The following DCTN1 variants were observed in gnomAD, a reference collection of about 807,000 sequenced individuals.
The protein encoded by DCTN1 is dynactin subunit 1, also known as 150 kDa dynein-associated polypeptide.
A neutral mutation model predicts 161.2 loss-of-function variants in DCTN1; 61 were observed. The observed-to-expected ratio is 0.38, with a 90% confidence interval of 0.31 to 0.47. The LOEUF is 0.47. Among genes scored for constraint, DCTN1 ranks in the 20% least tolerant of loss-of-function variants. The pLI is 0.99. For synonymous variants in DCTN1, 653 were observed against 632.4 expected, an observed-to-expected ratio of 1.03 and a Z score of -0.49; for missense variants, 1,404 against 1,623.7, an observed-to-expected ratio of 0.86 and a Z score of 2.33.
chr2:74,376,194 G>T (rs981338349), intron 5 of DCTN1, among the ~76,000 whole-genome samples: 2 of 151,722 alleles, frequency 1.3e-5, no homozygotes, highest in African/African-American at 2.4e-5. Flanking sequence ...AAGGAGACAG[G>T]GACAGACTGA....
rs756952260 is a variant in DCTN1 at position 74,367,797 on chromosome 2, G to A, written c.2083C>T (p.His695Tyr). Residue 695 changes from histidine (H) to tyrosine (Y), a missense_variant, in exon 18 of 32, where the codon CAT (histidine) becomes TAT (tyrosine). By Grantham distance (83) the His-to-Tyr change is moderately conservative. This residue lies in a region of DCTN1 where 475 missense variants were observed against 489.8 expected (regional missense o/e 0.97). Coordinates refer to ENST00000628224, the MANE Select transcript of DCTN1 (RefSeq NM_004082.5). ...ATGAGGAAATCCAAGGAGCGCTCAT[G>A]GGCACTCATCTCAGGGTACAGGCTG... ...VGSLYPEMSA[H>Y]ERSLDFLIEL... 72 of 1,614,026 alleles carry A rather than the reference G, an allele frequency of 4.5e-5. No individual in the cohort carries two copies. The highest frequency in any genetic ancestry group is 5.8e-5 in the Non-Finnish European group (69 of 1,180,040).
At chr2:74,374,209 G>A (rs753256202) in intron 6 of DCTN1, 114 bp downstream of exon 6, 35 of 1,172,718 alleles carry the variant, frequency 3.0e-5, no homozygotes, top group Non-Finnish European at 4.1e-5. Flanking sequence ...GTCCTCACCC[G>A]CCTCCCCGAC....
intron 1 of DCTN1, among the ~76,000 whole-genome samples, chr2:74,388,066 T>C (rs1433759894): frequency 1.3e-5 from 2 of 152,088 alleles, no homozygotes; most frequent in Admixed American, 6.5e-5. Context: ...TGCATGCCTA[T>C]AGTACCAGTT....
chr2:74,380,558 G>T, upstream of DCTN1: 1 of 471,976 alleles, frequency 2.1e-6, no homozygotes, highest in Non-Finnish European at 4.4e-6. Context: ...AGCATCAAGT[G>T]ACACTTCAAA....
upstream of DCTN1, among the ~76,000 whole-genome samples, chr2:74,383,121 T>A (rs976696189): frequency 2.6e-5 from 4 of 151,036 alleles, no homozygotes; most frequent in African/African-American, 9.8e-5. Context: ...AAATAAAAAA[T>A]ATGTGGAAAG....
At position 74,362,700 on chromosome 2, in the gene DCTN1, C is replaced by T. The variant is rs1485769288; in HGVS notation, c.3559G>A (p.Glu1187Lys). ...AAKSPSAQLM[E>K]QVAQLKSLSD... Reference sequence around the variant, plus strand: ...AGGGACTTAAGCTGAGCCACTTGCTCCATAAGTTGGGCCGACGGGCTCTTG... The same window carrying T: ...AGGGACTTAAGCTGAGCCACTTGCTTCATAAGTTGGGCCGACGGGCTCTTG... The change falls in exon 30 of 32, where the codon GAG becomes AAG. Residue 1187 changes from glutamate to lysine, a missense_variant. Transcript: ENST00000628224. The T allele has an allele frequency of 1.2e-6, 2 of 1,614,046 alleles. No individual in the cohort carries two copies. Among genetic ancestry groups the T allele is most frequent in the Admixed American group, 3.3e-5 (2 of 60,020 alleles).
chr2:74,390,706 G>C (rs1283759754), intron 1 of DCTN1: 1 of 424,608 alleles, frequency 2.4e-6, no homozygotes, highest in Non-Finnish European at 4.9e-6. Context: ...CCATGGGCCA[G>C]CAGCATTAGC....
intron 6 of DCTN1, 137 bp from the exon 7 acceptor site, chr2:74,373,085 C>CA (rs1487756672): frequency 2.6e-6 from 2 of 763,502 alleles, no homozygotes; most frequent in Non-Finnish European, 4.6e-6. Context: ...CCCTCCCCCC[C>CA]ATCCCATCCC....
chr2:74,376,604 G>T, intron 5 of DCTN1, 138 bp downstream of exon 5: 1 of 823,634 alleles, frequency 1.2e-6, no homozygotes, highest in Non-Finnish European at 2.0e-6. Flanking sequence ...AACTCTGAAA[G>T]CCAAGGCCAC....
chr2:74,374,549 A>G, intron 5 of DCTN1: 2 of 1,372,548 alleles, frequency 1.5e-6, no homozygotes, highest in Non-Finnish European at 9.6e-7. Flanking sequence ...CCAGCCTGCA[A>G]ACGGCCGCCG....
intron 16 of DCTN1, 139 bp downstream of exon 16, chr2:74,368,589 G>T (rs34598987): frequency 6.0e-4 from 653 of 1,091,148 alleles, no homozygotes; most frequent in Non-Finnish European, 6.8e-4. Flanking sequence ...TATATTAATC[G>T]GTGACTTTGC....
At chr2:74,367,885 C>G (rs890148198) in intron 17 of DCTN1, 21 bp from the exon 18 acceptor site, 2 of 1,614,210 alleles carry the variant, frequency 1.2e-6, no homozygotes, top group African/African-American at 2.7e-5. Flanking sequence ...GAGAAGGGCA[C>G]TGTGAGGCTA....
At position 74,369,598 on chromosome 2, in the gene DCTN1, T is replaced by C. The variant is rs1674681398; in HGVS notation, c.1393-107A>G. ...TTGGGAGGTCAAAGCAGGCGGATCATGAGGTCGAGATCGAGATCATGCTGG... is the reference window on the plus strand; with the variant it reads ...TTGGGAGGTCAAAGCAGGCGGATCACGAGGTCGAGATCGAGATCATGCTGG... On this transcript the variant is annotated intron_variant, in intron 13 of 31. Coordinates refer to ENST00000628224, the MANE Select transcript of DCTN1 (RefSeq NM_004082.5). The surrounding 1 kb of genome is among the most constrained non-coding windows in gnomAD (Gnocchi z 4.9). 11 of 1,148,700 alleles carry C rather than the reference T, an allele frequency of 9.6e-6. No individual in the cohort carries two copies. The highest frequency in any genetic ancestry group is 1.7e-5 in the Admixed American group (1 of 59,140). The allele number at this position is 1,148,700 out of a possible 1,614,324, so 71.2% of individuals were successfully genotyped here.
At chr2:74,372,853 T>C in intron 7 of DCTN1, 75 bp downstream of exon 7, 1 of 1,424,546 alleles carries the variant, frequency 7.0e-7, no homozygotes, top group Non-Finnish European at 9.9e-7. Flanking sequence ...CTCATACACG[T>C]GCCCTCATAC....
intron 25 of DCTN1, 69 bp downstream of exon 25, chr2:74,365,446 G>T: frequency 6.2e-7 from 1 of 1,610,608 alleles, no homozygotes; most frequent in East Asian, 2.2e-5. Flanking sequence ...TAGGGGTATG[G>T]GTTAGGAGGC....
rs1214021463 is a variant in DCTN1 at position 74,380,081 on chromosome 2, CAG to C, written c.-46_-45del. The stretch of plus-strand genomic sequence containing the variant: ...ACCCCCTCCCCCAGCTGGCCAAAGA[CAG>C]AGAGAAAAGGTAGAAACCTAGGCAG... On this transcript the variant is annotated 5_prime_UTR_variant, in exon 1 of 32. Coordinates refer to ENST00000628224, the MANE Select transcript of DCTN1 (RefSeq NM_004082.5). 6.8e-6 allele frequency: 11 copies of C among 1,612,392 alleles called. No individual in the cohort carries two copies. Among genetic ancestry groups the C allele is most frequent in the Non-Finnish European group, 7.6e-6 (9 of 1,179,010 alleles).
chr2:74,365,907 ACTT>A lies in DCTN1; in HGVS notation c.2869_2871del (p.Lys957del). The A allele has an allele frequency of 6.2e-7, 1 of 1,614,148 alleles. No individual in the cohort carries two copies. The highest frequency in any genetic ancestry group is 8.5e-7 in the Non-Finnish European group (1 of 1,180,026). On this transcript the variant is annotated inframe_deletion, in exon 24 of 32. Transcript: ENST00000628224. ...ACTACCCTCACCTTAATCTTGAGTG[ACTT>A]CTTCAACTCCTTAATAACTGTCTCT...
chr2:74,362,843 G>C (rs1293512905), intron 29 of DCTN1, 114 bp from the exon 30 acceptor site: 2 of 1,299,948 alleles, frequency 1.5e-6, no homozygotes, highest in Non-Finnish European at 1.1e-6. Context: ...ACTTGAGAGA[G>C]AGTGGGTGAA....
chr2:74,366,729 T>A (rs1441967355), intron 21 of DCTN1, 54 bp downstream of exon 21: 2 of 1,614,102 alleles, frequency 1.2e-6, no homozygotes, highest in Non-Finnish European at 1.7e-6. Flanking sequence ...TCAAGTGCTA[T>A]ACCCTTCATG....
Sources: gnomAD v4.1 joint callset for allele counts (sites outside exome capture counted in the v4.1 genomes callset) on GRCh38, gnomAD v4.1.1 for gene constraint, gnomAD v4.1.1 regional missense constraint, Gnocchi (gnomAD v3.1) non-coding constraint, MANE v1.5 for transcripts, NCBI Gene and HGNC (gene_info 2026-07-23, HGNC 2026-07-21) for gene names.